The following P2RY8 variants were observed in gnomAD, a reference collection of about 807,000 sequenced individuals.
The protein encoded by P2RY8 is S-geranylgeranyl-glutathione receptor P2RY8.
P2RY8 carries 6 observed loss-of-function variants against 10.0 expected under a neutral mutation model. The observed-to-expected ratio is 0.60, with a 90% CI of 0.33 to 1.19. P2RY8 has a LOEUF of 1.19. P2RY8 is among the 50% of genes most tolerant of loss of function. The probability of loss-of-function intolerance (pLI) is 0.04; values close to 1 mark genes in which losing one functional copy is unlikely to be tolerated. For missense variants in P2RY8, 456 were observed against 542.0 expected, an observed-to-expected ratio of 0.84 and a Z score of 1.58; for synonymous variants, 276 against 252.5, an observed-to-expected ratio of 1.09 and a Z score of -0.88.
At chrX:1,485,579 TA>T (rs2091979260) in intron 1 of P2RY8, among the ~76,000 whole-genome samples, 1 of 149,120 alleles carries the variant, frequency 6.7e-6, no homozygotes, top group African/African-American at 2.4e-5. Flanking sequence ...AATATGTAAA[TA>T]ATATACATAA....
intron 1 of P2RY8, among the ~76,000 whole-genome samples, chrX:1,533,677 ATATTTATATAT>A (rs1332994522): frequency 1.8e-3 from 223 of 125,950 alleles, no homozygotes; most frequent in African/African-American, 6.7e-3. Context: ...AATATATTTT[ATATTTATATAT>A]TATTTATATA....
chrX:1,472,403 G>C (rs1238074403), intron 1 of P2RY8, among the ~76,000 whole-genome samples: 2 of 148,200 alleles, frequency 1.3e-5, no homozygotes, highest in African/African-American at 5.0e-5. Context: ...TAGATGCATA[G>C]ATGGGTGGAT....
At chrX:1,469,353 A>G (rs1424816774) in intron 1 of P2RY8, among the ~76,000 whole-genome samples, 1 of 151,074 alleles carries the variant, frequency 6.6e-6, no homozygotes, top group Non-Finnish European at 1.5e-5. Flanking sequence ...TGTAGCCCCA[A>G]AAAGAGTTTC....
At chrX:1,513,869 T>C (rs1392294144) in intron 1 of P2RY8, among the ~76,000 whole-genome samples, 3 of 152,144 alleles carry the variant, frequency 2.0e-5, no homozygotes, top group Non-Finnish European at 2.9e-5. Flanking sequence ...CTCCTCTGTG[T>C]CTGTGTCTCC....
chrX:1,484,454 C>T (rs1157358167), intron 1 of P2RY8, among the ~76,000 whole-genome samples: 1 of 151,978 alleles, frequency 6.6e-6, no homozygotes, highest in African/African-American at 2.4e-5. Flanking sequence ...AGGCCGGGCG[C>T]GGTGGCTCAC....
At chrX:1,478,283 G>A (rs1358080540) in intron 1 of P2RY8, among the ~76,000 whole-genome samples, 1 of 151,222 alleles carries the variant, frequency 6.6e-6, no homozygotes, top group Non-Finnish European at 1.5e-5. Context: ...GCCCAGCAGG[G>A]AAGCAGAAAT....
At chrX:1,511,674 C>G (rs1233465930) in intron 1 of P2RY8, among the ~76,000 whole-genome samples, 137 of 152,138 alleles carry the variant, frequency 9.0e-4, no homozygotes, top group Non-Finnish European at 1.7e-3. Context: ...CAGGAGCCAC[C>G]TTGCCCAACC....
At chrX:1,508,139 C>G (rs1462155155) in intron 1 of P2RY8, among the ~76,000 whole-genome samples, 69 of 152,324 alleles carry the variant, frequency 4.5e-4, no homozygotes, top group African/African-American at 1.5e-3. Flanking sequence ...ACAACAGACT[C>G]TGATGTTCTG....
chrX:1,485,355 T>C (rs1158030749), intron 1 of P2RY8, among the ~76,000 whole-genome samples: 1 of 152,050 alleles, frequency 6.6e-6, no homozygotes, highest in Non-Finnish European at 1.5e-5. Flanking sequence ...CCCAGGCTGG[T>C]CTCAAATTCC....
chrX:1,481,365 T>C (rs761272334), intron 1 of P2RY8, among the ~76,000 whole-genome samples: 1 of 152,276 alleles, frequency 6.6e-6, no homozygotes, highest in Non-Finnish European at 1.5e-5. Flanking sequence ...GATTTCACTA[T>C]GTTAGCCGGG....
chrX:1,518,632 G>T (rs1569538515), intron 1 of P2RY8, among the ~76,000 whole-genome samples: 1 of 151,032 alleles, frequency 6.6e-6, no homozygotes, highest in Non-Finnish European at 1.5e-5. Flanking sequence ...ATCCTTGCTG[G>T]GCCCTGATCA....
At chrX:1,470,240 G>A (rs1335248116) in intron 1 of P2RY8, among the ~76,000 whole-genome samples, 15 of 148,954 alleles carry the variant, frequency 1.0e-4, no homozygotes, top group East Asian at 4.0e-4. Context: ...GGCCAGGCGC[G>A]GTGACTCACG....
intron 1 of P2RY8, among the ~76,000 whole-genome samples, chrX:1,499,388 ACTCC>A: frequency 6.6e-6 from 1 of 150,552 alleles, no homozygotes; most frequent in South Asian, 2.1e-4. Flanking sequence ...CTGATCTCGA[ACTCC>A]TGACCTCAGG....
intron 1 of P2RY8, among the ~76,000 whole-genome samples, chrX:1,527,687 C>G (rs1381592471): frequency 6.6e-6 from 1 of 151,778 alleles, no homozygotes; most frequent in Admixed American, 6.6e-5. Flanking sequence ...CTCATTCATT[C>G]CTTATCCATT....
At chrX:1,515,300 T>C (rs1436476391) in intron 1 of P2RY8, among the ~76,000 whole-genome samples, 1 of 151,868 alleles carries the variant, frequency 6.6e-6, no homozygotes, top group South Asian at 2.1e-4. Flanking sequence ...AATTCACCCA[T>C]CTACAGTTCA....
chrX:1,493,409 AGG>A (rs1454069967), intron 1 of P2RY8, among the ~76,000 whole-genome samples: 26 of 7,126 alleles, frequency 3.6e-3, no homozygotes, highest in African/African-American at 5.2e-3. Context: ...AGGAGGAAGG[AGG>A]AGGAAGGAGG....
At chrX:1,533,227 C>A (rs2092493442) in intron 1 of P2RY8, among the ~76,000 whole-genome samples, 2 of 150,112 alleles carry the variant, frequency 1.3e-5, no homozygotes, top group Admixed American at 1.3e-4. Context: ...TTCCCCAAAA[C>A]CTATGGAAGT....
intron 1 of P2RY8, among the ~76,000 whole-genome samples, chrX:1,519,425 C>T (rs1461162057): frequency 7.9e-5 from 12 of 151,516 alleles, no homozygotes; most frequent in Non-Finnish European, 1.8e-4. Context: ...CCCCAATATT[C>T]TCTCTGATCT....
chrX:1,534,584 C>A (rs144711714), intron 1 of P2RY8, among the ~76,000 whole-genome samples: 2 of 152,122 alleles, frequency 1.3e-5, no homozygotes, highest in South Asian at 4.1e-4. Context: ...CACCCCACTG[C>A]CTCTAGGGAC....
Sources: allele counts gnomAD v4.1 joint callset (sites outside exome capture counted in the v4.1 genomes callset), GRCh38; gene constraint gnomAD v4.1.1; transcripts MANE v1.5; gene names NCBI Gene and HGNC (gene_info 2026-07-23, HGNC 2026-07-21).